Variants in LCLAT1 observed in about 807,000 individuals in gnomAD.
LCLAT1 encodes the protein lysocardiolipin acyltransferase 1.
LCLAT1 carries 11 observed loss-of-function variants against 30.7 expected under a neutral mutation model. That is an observed-to-expected ratio of 0.36 (90% confidence interval 0.23 to 0.59). The LOEUF (loss-of-function observed/expected upper bound fraction) is 0.59, where lower values mean the gene tolerates loss of function less well. Ranked by LOEUF, LCLAT1 falls within the 20% of genes least tolerant of loss-of-function variation. The probability of loss-of-function intolerance (pLI) is 0.77; values close to 1 mark genes in which losing one functional copy is unlikely to be tolerated. For synonymous variants in LCLAT1, 155 were observed against 151.3 expected (o/e 1.02, Z -0.18); for missense variants, 402 against 458.6 (o/e 0.88, Z 1.13).
chr2:30,527,555 G>A (rs1480029897), intron 2 of LCLAT1, among the ~76,000 whole-genome samples: 3 of 152,154 alleles, frequency 2.0e-5, no homozygotes, highest in African/African-American at 2.4e-5. Flanking sequence ...GCGAGCATAA[G>A]CAGAGTGCTT....
At chr2:30,545,126 TAC>T (rs1664339208) in intron 3 of LCLAT1, among the ~76,000 whole-genome samples, 1 of 152,008 alleles carries the variant, frequency 6.6e-6, no homozygotes. Context: ...AGCAAACAAA[TAC>T]AGAGTAATTT....
At chr2:30,523,444 A>G (rs192903827) in intron 1 of LCLAT1, among the ~76,000 whole-genome samples, 78 of 152,282 alleles carry the variant, frequency 5.1e-4, no homozygotes, top group African/African-American at 1.8e-3. Context: ...TTTCTCTACC[A>G]TTATTACTCC....
chr2:30,495,259 CT>C (rs1284809050), intron 1 of LCLAT1, among the ~76,000 whole-genome samples: 1 of 152,008 alleles, frequency 6.6e-6, no homozygotes, highest in East Asian at 1.9e-4. Context: ...TGTTCTTTGT[CT>C]CATTATTTGT....
chr2:30,572,119 C>T (rs1020251559), intron 5 of LCLAT1, among the ~76,000 whole-genome samples: 5 of 152,150 alleles, frequency 3.3e-5, no homozygotes, highest in African/African-American at 9.7e-5. Context: ...GCCATGGTAT[C>T]GCTTTAGACC....
intron 4 of LCLAT1, among the ~76,000 whole-genome samples, chr2:30,563,132 C>T (rs2148442761): frequency 6.6e-6 from 1 of 151,972 alleles, no homozygotes; most frequent in Non-Finnish European, 1.5e-5. Context: ...CAGCCTTGAA[C>T]TCCTGGGCTC....
At chr2:30,597,828 T>G (rs535207733) in intron 5 of LCLAT1, among the ~76,000 whole-genome samples, 1 of 152,304 alleles carries the variant, frequency 6.6e-6, no homozygotes, top group South Asian at 2.1e-4. Flanking sequence ...TCCTTCAGTG[T>G]CTAGTTTATT....
At chr2:30,605,200 A>G (rs959086201) in intron 5 of LCLAT1, among the ~76,000 whole-genome samples, 1 of 152,238 alleles carries the variant, frequency 6.6e-6, no homozygotes, top group African/African-American at 2.4e-5. Context: ...TACAGAGACT[A>G]CTTGCTAACC....
chr2:30,530,289 G>T (rs1445697716), intron 2 of LCLAT1, among the ~76,000 whole-genome samples: 1 of 152,128 alleles, frequency 6.6e-6, no homozygotes, highest in Non-Finnish European at 1.5e-5. Flanking sequence ...TTTTAGTCTG[G>T]ATTAATTGAA....
rs1669381370 is a variant in LCLAT1, at chr2:30,642,655, T to G, written c.*2036T>G. ...TTGTTCAAGGTGTAACAACATTTAA[T>G]TGCATGTCCTCTAACGCTTTGAAAC... On this transcript the variant is annotated 3_prime_UTR_variant, in exon 6 of 6. Coordinates refer to ENST00000379509, the MANE Select transcript of LCLAT1 (RefSeq NM_001002257.3). 6.6e-6 allele frequency: 1 copy of G among 151,974 alleles called. No homozygotes were observed. The highest frequency in any genetic ancestry group is 2.4e-5 in the African/African-American group (1 of 41,408). 9.4% of individuals were successfully genotyped at this position (151,974 alleles called of 1,614,324 possible).
intron 5 of LCLAT1, among the ~76,000 whole-genome samples, chr2:30,593,550 A>G (rs1324782701): frequency 6.6e-6 from 1 of 152,112 alleles, no homozygotes; most frequent in Non-Finnish European, 1.5e-5. Context: ...GTGATTCTAT[A>G]CAAATTTTAG....
In LCLAT1 at chr2:30,533,295, C is replaced by CA; in HGVS notation, c.348dup (p.Gly117ArgfsTer19). 1.2e-6 allele frequency: 2 copies of CA among 1,614,012 alleles called. No homozygotes were observed. Among genetic ancestry groups the CA allele is most frequent in the Non-Finnish European group, 1.7e-6 (2 of 1,179,888 alleles). On this transcript the variant is annotated frameshift_variant, in exon 3 of 6. Transcript: ENST00000379509. LOFTEE classifies it high-confidence loss of function. The stretch of plus-strand genomic sequence containing the variant: ...AGAAAATTTGCCTCAAAGCGAGTCT[C>CA]AAAGGTGTTCCTGGATTTGGTAGGT...
At chr2:30,525,536 C>T (rs780804357) in intron 1 of LCLAT1, 51 bp from the exon 2 acceptor site, 28 of 1,394,066 alleles carry the variant, frequency 2.0e-5, no homozygotes, top group Middle Eastern at 2.1e-4. Context: ...AAATTGAATT[C>T]GAGCCGTTAA....
At position 30,582,089 on chromosome 2, in the gene LCLAT1, C is replaced by T. The variant is rs531840553; in HGVS notation, c.628+13913C>T. ...ACTTAATTAGAAAATATATTTTTTCCTCTATACTAGAGTGTAAGCTCCTTT... is the reference window on the plus strand; with the variant it reads ...ACTTAATTAGAAAATATATTTTTTCTTCTATACTAGAGTGTAAGCTCCTTT... On this transcript the variant is annotated intron_variant, in intron 5 of 5. Coordinates refer to ENST00000379509, the MANE Select transcript of LCLAT1 (RefSeq NM_001002257.3). Among the ~76,000 whole-genome samples the T allele has an allele frequency of 6.6e-5, 10 of 151,998 alleles. No homozygotes were observed. In the South Asian group the frequency reaches 1.9e-3, roughly 28 times the overall value.
chr2:30,524,670 A>G (rs1685624319), intron 1 of LCLAT1, among the ~76,000 whole-genome samples: 1 of 152,314 alleles, frequency 6.6e-6, no homozygotes, highest in South Asian at 2.1e-4. Flanking sequence ...CCTGCCTCTT[A>G]GTCCCTTAAT....
At chr2:30,594,165 C>G (rs1017835743) in intron 5 of LCLAT1, among the ~76,000 whole-genome samples, 3 of 151,958 alleles carry the variant, frequency 2.0e-5, no homozygotes, top group African/African-American at 7.2e-5. Context: ...ACCTTTTAAT[C>G]TATGTTATTT....
intron 1 of LCLAT1, among the ~76,000 whole-genome samples, chr2:30,453,087 T>A (rs1338536442): frequency 2.0e-5 from 3 of 152,170 alleles, no homozygotes; most frequent in Admixed American, 2.0e-4. Flanking sequence ...GGAAGAGTTA[T>A]GGTACCCTTA....
intron 5 of LCLAT1, among the ~76,000 whole-genome samples, chr2:30,629,909 CAG>C (rs1668689051): frequency 6.6e-6 from 1 of 151,832 alleles, no homozygotes; most frequent in South Asian, 2.1e-4. Flanking sequence ...AATTATATGA[CAG>C]TATTACAGTA....
intron 3 of LCLAT1, among the ~76,000 whole-genome samples, chr2:30,547,921 T>C (rs1319043329): frequency 6.6e-6 from 1 of 152,214 alleles, no homozygotes; most frequent in African/African-American, 2.4e-5. Context: ...ACTCGTTCAG[T>C]AAATTTTATT....
intron 3 of LCLAT1, among the ~76,000 whole-genome samples, chr2:30,534,143 T>C (rs1460670042): frequency 6.6e-6 from 1 of 152,032 alleles, no homozygotes; most frequent in Non-Finnish European, 1.5e-5. Flanking sequence ...GGTTTATGAT[T>C]TGTGAGGGCA....
Sources: allele counts gnomAD v4.1 joint callset (sites outside exome capture counted in the v4.1 genomes callset), GRCh38; gene constraint gnomAD v4.1.1; transcripts MANE v1.5; gene names NCBI Gene and HGNC (gene_info 2026-07-23, HGNC 2026-07-21).